Variants in FRY observed in about 807,000 individuals in gnomAD.
FRY encodes the protein protein furry homolog.
In FRY, 128 loss-of-function variants were observed where a neutral mutation model predicts 348.4. The ratio of observed to expected loss-of-function variants is 0.37; its 90% CI spans 0.32 to 0.43. The LOEUF (loss-of-function observed/expected upper bound fraction) is 0.43. FRY is among the 20% of genes least tolerant of loss of function. The pLI is 1.00. For synonymous variants in FRY, 1,370 were observed against 1,374.7 expected (o/e 1.00, Z 0.08); for missense variants, 2,736 against 3,695.2 (o/e 0.74, Z 6.73).
At chr13:32,211,681 TCCC>T (rs1555265723) in intron 34 of FRY, among the ~76,000 whole-genome samples, 1 of 151,924 alleles carries the variant, frequency 6.6e-6, no homozygotes, top group Non-Finnish European at 1.5e-5. Context: ...TGATTAAAAT[TCCC>T]CCCAAAAGTA....
At chr13:32,047,666 G>A (rs1422577975) in intron 1 of FRY, among the ~76,000 whole-genome samples, 1 of 151,936 alleles carries the variant, frequency 6.6e-6, no homozygotes, top group Non-Finnish European at 1.5e-5. Context: ...CACCTCCTGG[G>A]TTCAAGTGAT....
intron 22 of FRY, 101 bp downstream of exon 22, chr13:32,179,134 T>A: frequency 1.2e-6 from 1 of 822,174 alleles, no homozygotes; most frequent in Admixed American, 2.2e-5. Context: ...CCATCTGGAG[T>A]ATTATGGGAT....
rs1282444151 is a variant in FRY, at chr13:32,205,614, G to A, written c.4018+3087G>A. ...TTGGAAGGCCTTGTGTACACTACAA[G>A]GTTTGTAGGCCAGCAATCTTCCATA... is the stretch of plus-strand genomic sequence containing the variant. On this transcript the variant is annotated intron_variant, in intron 31 of 60. Coordinates refer to ENST00000542859, the MANE Select transcript of FRY (RefSeq NM_023037.3). Among the ~76,000 whole-genome samples the A allele has an allele frequency of 2.0e-5, 3 of 152,100 alleles. No individual in the cohort carries two copies. The East Asian group carries it at 5.8e-4, about 29-fold the overall frequency.
At chr13:32,095,175 C>T (rs1231820387) in intron 2 of FRY, among the ~76,000 whole-genome samples, 2 of 129,126 alleles carry the variant, frequency 1.5e-5, no homozygotes, top group African/African-American at 5.8e-5. Context: ...AGTCTTTTGC[C>T]CATTTTTTGA....
chr13:32,158,550 A>C (rs1036912093), intron 16 of FRY, among the ~76,000 whole-genome samples: 2 of 152,240 alleles, frequency 1.3e-5, no homozygotes, highest in Admixed American at 6.5e-5. Context: ...GATTATCAAT[A>C]AACTTTCAAC....
intron 7 of FRY, among the ~76,000 whole-genome samples, chr13:32,130,261 G>C (rs1044695737): frequency 6.6e-6 from 1 of 151,778 alleles, no homozygotes. Flanking sequence ...GGCTGGTCTC[G>C]AACTCCTGAC....
intron 2 of FRY, among the ~76,000 whole-genome samples, chr13:32,092,836 G>C (rs1384973527): frequency 6.6e-6 from 1 of 152,162 alleles, no homozygotes; most frequent in Non-Finnish European, 1.5e-5. Context: ...CCGTTTTATA[G>C]CTCCACCAGG....
At chr13:32,226,018 G>A (rs1329670015) in intron 39 of FRY, 44 bp downstream of exon 39, 2 of 1,574,128 alleles carry the variant, frequency 1.3e-6, no homozygotes, top group African/African-American at 1.3e-5. Context: ...AGTTACAAAT[G>A]CAGAGATAAC....
At chr13:32,240,011 A>G in intron 46 of FRY, 130 bp downstream of exon 46, 1 of 704,152 alleles carries the variant, frequency 1.4e-6, no homozygotes, top group Non-Finnish European at 2.4e-6. Context: ...GTGGGCCACC[A>G]TTCCCTGCCA....
chr13:32,075,992 T>C (rs1349588868), intron 1 of FRY, among the ~76,000 whole-genome samples: 1 of 152,246 alleles, frequency 6.6e-6, no homozygotes, highest in Non-Finnish European at 1.5e-5. Context: ...CACAAAGATG[T>C]CTGGCTTTGA....
chr13:32,176,606 T>C (rs1368068720), intron 20 of FRY, among the ~76,000 whole-genome samples: 3 of 152,234 alleles, frequency 2.0e-5, no homozygotes, highest in Non-Finnish European at 4.4e-5. Flanking sequence ...TTTTAGAATT[T>C]CAAATTGTTC....
chr13:32,134,712 T>C lies in FRY; in HGVS notation c.886-192T>C, dbSNP rs140178775. Among the ~76,000 whole-genome samples, 1,421 of 152,358 alleles carry C rather than the reference T, an allele frequency of 9.3e-3. 16 individuals carry two copies. Among genetic ancestry groups the C allele is most frequent in the Non-Finnish European group, 0.014 (936 of 68,026 alleles). ...GAGTGAAAAAACCAGCCTTGCAGAA[T>C]GTCATTGAGGCCATTGCAAACATAC... On this transcript the variant is annotated intron_variant, in intron 8 of 60. Coordinates refer to ENST00000542859, the MANE Select transcript of FRY (RefSeq NM_023037.3).
At chr13:32,102,743 T>C (rs775995028) in intron 3 of FRY, among the ~76,000 whole-genome samples, 11 of 152,190 alleles carry the variant, frequency 7.2e-5, no homozygotes, top group Non-Finnish European at 1.6e-4. Context: ...CTAGGCATGT[T>C]TAAAAATGAT....
intron 11 of FRY, among the ~76,000 whole-genome samples, chr13:32,147,030 C>A (rs1880501322): frequency 6.6e-6 from 1 of 152,136 alleles, no homozygotes; most frequent in Non-Finnish European, 1.5e-5. Context: ...CTCATCTTGG[C>A]AAAGGAGAAA....
chr13:32,254,220 G>C lies in FRY; in HGVS notation c.7246-4G>C. ...TTTCTCAGGAGAGGACTCTTGATTC[G>C]CAGGTGATTTTTTCATCGTGTGGGG... On this transcript the variant is annotated splice_polypyrimidine_tract_variant and splice_region_variant and intron_variant, in intron 50 of 60. Coordinates refer to ENST00000542859, the MANE Select transcript of FRY (RefSeq NM_023037.3). 6.2e-7 allele frequency: 1 copy of C among 1,613,852 alleles called. No individual in the cohort carries two copies. The highest frequency in any genetic ancestry group is 8.5e-7 in the Non-Finnish European group (1 of 1,179,918).
chr13:32,194,043 T>C, intron 28 of FRY, 100 bp from the exon 29 acceptor site: 1 of 1,197,878 alleles, frequency 8.3e-7, no homozygotes, highest in East Asian at 2.3e-5. Flanking sequence ...GTCTTCCCTT[T>C]CATTTTACTC....
At chr13:32,254,862 G>A (rs1042993332) in intron 51 of FRY, among the ~76,000 whole-genome samples, 8 of 152,298 alleles carry the variant, frequency 5.3e-5, no homozygotes, top group Admixed American at 6.5e-5. Context: ...TTTTGTGCTT[G>A]ATGAAATCGT....
chr13:32,202,642 A>T (rs1393935014), intron 31 of FRY, 115 bp downstream of exon 31: 1 of 985,678 alleles, frequency 1.0e-6, no homozygotes, highest in East Asian at 2.5e-5. Context: ...TTTCTTTTTA[A>T]ATTCTAGTTT....
chr13:32,176,214 CT>C (rs1310861548), intron 20 of FRY, among the ~76,000 whole-genome samples: 4 of 152,150 alleles, frequency 2.6e-5, no homozygotes, highest in Non-Finnish European at 1.5e-5. Flanking sequence ...ACATTGGCAA[CT>C]TTCAATTTCC....
Sources: gnomAD v4.1 joint callset for allele counts (sites outside exome capture counted in the v4.1 genomes callset) on GRCh38, gnomAD v4.1.1 for gene constraint, MANE v1.5 for transcripts, NCBI Gene and HGNC (gene_info 2026-07-23, HGNC 2026-07-21) for gene names.